ZNF607: variants seen among roughly 807,000 people sequenced by gnomAD.
The protein encoded by ZNF607 is zinc finger protein 607.
Under a neutral mutation model 12.8 loss-of-function variants are expected in ZNF607, and 5 were observed. The observed-to-expected ratio is 0.39, with a 90% CI of 0.20 to 0.82. The LOEUF (loss-of-function observed/expected upper bound fraction) is 0.82, where lower values mean the gene tolerates loss of function less well. Ranked by LOEUF, ZNF607 falls within the 40% of genes least tolerant of loss-of-function variation. The pLI, the probability that ZNF607 is intolerant of heterozygous loss-of-function variation, is 0.39. For synonymous variants in ZNF607, 287 were observed against 276.2 expected (o/e 1.04, Z -0.39); for missense variants, 851 against 859.2 (o/e 0.99, Z 0.12).
At position 37,709,842 on chromosome 19, in the gene ZNF607, T is replaced by C; in HGVS notation, c.10-20A>G. Reference sequence around the variant, plus strand: ...TGATCCCTGAAACAGCAAACCCATGTATTACTGGGGAAATTCCAAAATGGA... The same window carrying C: ...TGATCCCTGAAACAGCAAACCCATGCATTACTGGGGAAATTCCAAAATGGA... On this transcript the variant is annotated intron_variant, in intron 2 of 4. Transcript: ENST00000355202. 3.7e-6 allele frequency: 6 copies of C among 1,608,056 alleles called. No individual in the cohort carries two copies. Among genetic ancestry groups the C allele is most frequent in the Non-Finnish European group, 4.3e-6 (5 of 1,175,140 alleles).
intron 2 of ZNF607, 96 bp downstream of exon 2, chr19:37,711,514 G>A: frequency 6.4e-6 from 8 of 1,247,984 alleles, no homozygotes; most frequent in South Asian, 4.8e-5. Context: ...ACTGAGCACC[G>A]TCTCACGAAG....
At chr19:37,711,852 C>G (rs562601307) in intron 1 of ZNF607, among the ~76,000 whole-genome samples, 160 bp from the exon 2 acceptor site, 1 of 152,256 alleles carries the variant, frequency 6.6e-6, no homozygotes, top group African/African-American at 2.4e-5. Flanking sequence ...TTTCCTCCCC[C>G]ACTACCCAAG....
Position 37,699,166 on chromosome 19 carries a change from T to C in ZNF607, c.965A>G (p.Tyr322Cys). ...KECGKGFTCR[Y>C]QLTMHQRIYS... ...AATTCTCTGATGCATGGTAAGTTGA[T>C]ACCTACATGTAAAGCCCTTCCCGCA... The change falls in exon 5 of 5, where the codon TAT becomes TGT. Residue 322 changes from tyrosine to cysteine, a missense_variant. Physicochemically the swap from Tyr to Cys is radical, Grantham distance 194. Coordinates refer to ENST00000355202, the MANE Select transcript of ZNF607 (RefSeq NM_032689.5). The C allele has an allele frequency of 6.2e-7, 1 of 1,614,190 alleles. No individual in the cohort carries two copies. The highest frequency in any genetic ancestry group is 8.5e-7 in the Non-Finnish European group (1 of 1,180,014).
At chr19:37,707,482 A>G (rs1400257707) in intron 4 of ZNF607, among the ~76,000 whole-genome samples, 1 of 152,084 alleles carries the variant, frequency 6.6e-6, no homozygotes, top group African/African-American at 2.4e-5. Flanking sequence ...ATATAGAACA[A>G]TTCTGGGCCA....
In ZNF607 at chr19:37,698,725, C is replaced by A. The variant is rs1360977875; in HGVS notation, c.1406G>T (p.Arg469Ile). 8 of 1,613,362 alleles carry A rather than the reference C, an allele frequency of 5.0e-6. No individual in the cohort carries two copies. Among genetic ancestry groups the A allele is most frequent in the Non-Finnish European group, 6.8e-6 (8 of 1,179,418 alleles). ...RCASYLVIHE[R>I]IHTGEKPYVC... Reference sequence around the variant, plus strand: ...ATAGGGTTTCTCTCCTGTATGAATTCTCTCATGTATAACAAGATATGAGGC... The same window carrying A: ...ATAGGGTTTCTCTCCTGTATGAATTATCTCATGTATAACAAGATATGAGGC... Residue 469 changes from arginine (R) to isoleucine (I), a missense_variant, in exon 5 of 5, where the codon AGA becomes ATA. Physicochemically the swap from Arg to Ile is moderately conservative, Grantham distance 97. Coordinates refer to ENST00000355202, the MANE Select transcript of ZNF607 (RefSeq NM_032689.5).
chr19:37,719,674 C>T lies in ZNF607; in HGVS notation c.-480G>A, dbSNP rs916329157. On this transcript the variant is annotated 5_prime_UTR_variant, in exon 1 of 5. Coordinates refer to ENST00000355202, the MANE Select transcript of ZNF607 (RefSeq NM_032689.5). ...ACCGGTGAGAAATGGAGTCCAGAAT[C>T]CTAAAAACCTACGAGAAATACGGCA... 6.6e-6 allele frequency: 1 copy of T among 152,368 alleles called. No individual in the cohort carries two copies. The highest frequency in any genetic ancestry group is 2.4e-5 in the African/African-American group (1 of 41,468). The allele number at this position is 152,368 out of a possible 1,614,324, so 9.4% of individuals were successfully genotyped here. A position where few individuals can be genotyped will look rare whatever the true frequency, so the allele number is the denominator to read the frequency against.
At position 37,698,679 on chromosome 19, in the gene ZNF607, C is replaced by G; in HGVS notation, c.1452G>C (p.Lys484Asn). 1.2e-6 allele frequency: 2 copies of G among 1,613,088 alleles called. No homozygotes were observed. Among genetic ancestry groups the G allele is most frequent in the Non-Finnish European group, 1.7e-6 (2 of 1,179,422 alleles). The change falls in exon 5 of 5, where the codon AAG becomes AAC. Residue 484 changes from lysine (K) to asparagine (N), a missense_variant. Physicochemically the swap from Lys to Asn is moderately conservative, Grantham distance 94 (BLOSUM62 0). Coordinates refer to ENST00000355202, the MANE Select transcript of ZNF607 (RefSeq NM_032689.5). ...TGAGTTTATGGCTATAACTAAAACCCTTCCCACACTCTTGACATACATAGG... is the reference window on the plus strand; with the variant it reads ...TGAGTTTATGGCTATAACTAAAACCGTTCCCACACTCTTGACATACATAGG... ...EKPYVCQECG[K>N]GFSYSHKLTI... is the part of the protein sequence containing the mutation.
chr19:37,708,762 C>T (rs2045107456), intron 3 of ZNF607, among the ~76,000 whole-genome samples: 1 of 150,546 alleles, frequency 6.6e-6, no homozygotes. Context: ...GCAGGAGAAT[C>T]ACTTTAACCC....
At position 37,696,916 on chromosome 19, in the gene ZNF607, G is replaced by A; in HGVS notation, c.*1124C>T. The A allele has an allele frequency of 1.5e-6, 1 of 673,738 alleles. No individual in the cohort carries two copies. Among genetic ancestry groups the A allele is most frequent in the Non-Finnish European group, 2.7e-6 (1 of 369,698 alleles). 41.7% of individuals were successfully genotyped at this position (673,738 alleles called of 1,614,324 possible). On this transcript the variant is annotated 3_prime_UTR_variant, in exon 5 of 5. Transcript: ENST00000355202. ...GTCAAAGACACGTCGTCCAGAATGA[G>A]CCCAAAGGTGGCTGCTCACTCCATA...
chr19:37,702,514 A>G (rs898349820), intron 4 of ZNF607, among the ~76,000 whole-genome samples: 5 of 152,198 alleles, frequency 3.3e-5, no homozygotes, highest in African/African-American at 1.2e-4. Flanking sequence ...TACTGATAAA[A>G]GCAAATTAGT....
intron 1 of ZNF607, among the ~76,000 whole-genome samples, chr19:37,713,394 A>G (rs1269952000): frequency 2.6e-5 from 4 of 151,798 alleles, no homozygotes; most frequent in African/African-American, 7.3e-5. Flanking sequence ...CAAATACTGC[A>G]ATTTTCAGGT....
intron 1 of ZNF607, among the ~76,000 whole-genome samples, chr19:37,718,277 G>C (rs1293579485): frequency 6.6e-6 from 1 of 151,904 alleles, no homozygotes; most frequent in South Asian, 2.1e-4. Context: ...TTCACATCAC[G>C]GCTAAGTTCA....
chr19:37,714,978 C>T (rs2045164445), intron 1 of ZNF607, among the ~76,000 whole-genome samples: 2 of 152,040 alleles, frequency 1.3e-5, no homozygotes, highest in Non-Finnish European at 2.9e-5. Flanking sequence ...ACAATCTTGG[C>T]TCACTGCAAC....
At position 37,698,293 on chromosome 19, in the gene ZNF607, C is replaced by T. The variant is rs1365023036; in HGVS notation, c.1838G>A (p.Ser613Asn). ...TCTTTTACATTCATAGGGTTTATCA[C>T]TGGTATGAATTCTCTCATGAATAAT... The part of the protein sequence containing the change: ...HLIIHERIHT[S>N]DKPYECKRCG... Residue 613 changes from serine (S) to asparagine (N), a missense_variant, in exon 5 of 5, where the codon AGT becomes AAT. Physicochemically the swap from Ser to Asn is conservative, Grantham distance 46 (BLOSUM62 1). Transcript: ENST00000355202. 1 of 1,614,132 alleles carries T rather than the reference C, an allele frequency of 6.2e-7. No homozygotes were observed. The highest frequency in any genetic ancestry group is 8.5e-7 in the Non-Finnish European group (1 of 1,180,020).
intron 3 of ZNF607, among the ~76,000 whole-genome samples, chr19:37,708,782 A>G (rs1237960975): frequency 1.4e-5 from 2 of 147,704 alleles, no homozygotes; most frequent in Non-Finnish European, 3.0e-5. Context: ...CGGGAGGCGG[A>G]GGTTGCAGTG....
intron 1 of ZNF607, among the ~76,000 whole-genome samples, chr19:37,714,833 A>G: frequency 6.6e-6 from 1 of 152,216 alleles, no homozygotes; most frequent in East Asian, 1.9e-4. Context: ...TTATCATCAA[A>G]TGTTAAAAAA....
At chr19:37,716,972 A>G (rs2045180957) in intron 1 of ZNF607, among the ~76,000 whole-genome samples, 1 of 152,182 alleles carries the variant, frequency 6.6e-6, no homozygotes, top group African/African-American at 2.4e-5. Flanking sequence ...ACAATTCACT[A>G]TAAAGATTCT....
At position 37,709,812 on chromosome 19, in the gene ZNF607, G is replaced by T. The variant is rs2045116844; in HGVS notation, c.20C>A (p.Thr7Lys). Residue 7 changes from threonine to lysine, a missense_variant, in exon 3 of 5, where the codon ACA becomes AAA. Transcript: ENST00000355202. Reference protein sequence around the residue: MSYGSITFGDVAIDFSH... With the variant: MSYGSIKFGDVAIDFSH... ...GAAGTCTATGGCCACATCCCCGAAT[G>T]TTATTGATCCCTGAAACAGCAAACC... 1.2e-6 allele frequency: 2 copies of T among 1,613,230 alleles called. No homozygotes were observed. The highest frequency in any genetic ancestry group is 1.7e-6 in the Non-Finnish European group (2 of 1,179,410).
At chr19:37,716,892 C>T (rs1480917267) in intron 1 of ZNF607, among the ~76,000 whole-genome samples, 1 of 152,150 alleles carries the variant, frequency 6.6e-6, no homozygotes, top group African/African-American at 2.4e-5. Context: ...GAAAAATCAG[C>T]GTGACTAAAA....
Sources: gnomAD v4.1 joint callset for allele counts (sites outside exome capture counted in the v4.1 genomes callset) on GRCh38, gnomAD v4.1.1 for gene constraint, MANE v1.5 for transcripts, NCBI Gene and HGNC (gene_info 2026-07-23, HGNC 2026-07-21) for gene names.